Variants in SNX1 observed in about 807,000 individuals in gnomAD.
SNX1 encodes the protein sorting nexin-1.
In SNX1, 36 loss-of-function variants were observed where a neutral mutation model predicts 71.8. The ratio of observed to expected loss-of-function variants is 0.50; its 90% CI spans 0.38 to 0.66. SNX1 has a LOEUF of 0.66. SNX1 is among the 30% of genes least tolerant of loss of function. The pLI is 0.00. For missense variants in SNX1, 612 were observed against 646.7 expected (o/e 0.95, Z 0.58); for synonymous variants, 254 against 240.7 (o/e 1.06, Z -0.51).
intron 4 of SNX1, among the ~76,000 whole-genome samples, chr15:64,121,627 G>A (rs942302224): frequency 3.3e-5 from 5 of 152,156 alleles, no homozygotes; most frequent in African/African-American, 4.8e-5. Flanking sequence ...GAGTTAGAAC[G>A]TAAAATGTAC....
chr15:64,125,946 G>A, intron 5 of SNX1, 133 bp from the exon 6 acceptor site: 1 of 924,850 alleles, frequency 1.1e-6, no homozygotes, highest in Admixed American at 2.2e-5. Flanking sequence ...CTCTGCCTTG[G>A]AGAAAGTTAT....
intron 4 of SNX1, among the ~76,000 whole-genome samples, chr15:64,119,697 C>T (rs1383763859): frequency 2.0e-5 from 3 of 149,086 alleles, no homozygotes; most frequent in Admixed American, 1.4e-4. Flanking sequence ...GCCCTCCATC[C>T]TGGGTGACAG....
rs992222192 is a variant in SNX1 at position 64,100,966 on chromosome 15, T to C, written c.159+4794T>C. ...GCCACCATGCCCAGCTAATTTTTCA[T>C]TTATTTATTTTTTTGTAGAGATGGG... On this transcript the variant is annotated intron_variant, in intron 1 of 14. Transcript: ENST00000559844. Among the ~76,000 whole-genome samples the C allele has an allele frequency of 5.3e-5, 8 of 152,140 alleles. No individual in the cohort carries two copies. In the East Asian group the frequency reaches 1.2e-3, roughly 22 times the overall value.
intron 1 of SNX1, among the ~76,000 whole-genome samples, chr15:64,099,545 G>T (rs2080936918): frequency 1.3e-5 from 2 of 152,186 alleles, no homozygotes; most frequent in African/African-American, 4.8e-5. Context: ...CCGCATACTT[G>T]TGAAGCTGAG....
At chr15:64,100,245 A>T (rs2080944867) in intron 1 of SNX1, among the ~76,000 whole-genome samples, 1 of 152,164 alleles carries the variant, frequency 6.6e-6, no homozygotes. Flanking sequence ...AATGTGGTTT[A>T]ATTTATACTT....
intron 11 of SNX1, among the ~76,000 whole-genome samples, chr15:64,132,639 G>T (rs551322007): frequency 5.3e-5 from 8 of 152,268 alleles, no homozygotes; most frequent in Non-Finnish European, 1.2e-4. Context: ...ACACTCTAAG[G>T]GCCTAAGTCT....
intron 1 of SNX1, among the ~76,000 whole-genome samples, chr15:64,097,320 G>C (rs570481672): frequency 3.1e-3 from 467 of 152,330 alleles, no homozygotes; most frequent in Non-Finnish European, 5.6e-3. Flanking sequence ...TTTTGGTTTA[G>C]CTTTAGGAAG....
chr15:64,136,060 G>A (rs1458759741), intron 12 of SNX1, among the ~76,000 whole-genome samples: 1 of 152,182 alleles, frequency 6.6e-6, no homozygotes, highest in Non-Finnish European at 1.5e-5. Context: ...TAAACTGGAG[G>A]CTGCTGGCAT....
chr15:64,126,460 G>C (rs1301948300), intron 6 of SNX1, among the ~76,000 whole-genome samples: 1 of 152,150 alleles, frequency 6.6e-6, no homozygotes, highest in African/African-American at 2.4e-5. Flanking sequence ...TTTTCTGTTG[G>C]TCTTCAGGAG....
intron 1 of SNX1, among the ~76,000 whole-genome samples, chr15:64,096,393 C>T (rs916777839): frequency 7.2e-5 from 11 of 152,178 alleles, no homozygotes; most frequent in African/African-American, 2.7e-4. Context: ...GTGCCTTCGT[C>T]GGCTAGCTCC....
intron 1 of SNX1, 60 bp downstream of exon 1, chr15:64,096,232 A>G (rs1226041869): frequency 3.3e-6 from 5 of 1,520,108 alleles, no homozygotes; most frequent in Non-Finnish European, 4.4e-6. Flanking sequence ...AAGAGAGGCT[A>G]AGCGAGAATC....
chr15:64,144,068 A>G lies in SNX1; in HGVS notation c.*6450A>G, dbSNP rs1303625541. On this transcript the variant is annotated 3_prime_UTR_variant, in exon 15 of 15. Transcript: ENST00000559844. This position sits in a 1 kb window ranked among gnomAD's most constrained non-coding sequence, Gnocchi z 4.3. ...TATTCACATTTATATAAAACTTTATATATGGGAAGGATGTTGATTGAATTG... is the reference window on the plus strand; with the variant it reads ...TATTCACATTTATATAAAACTTTATGTATGGGAAGGATGTTGATTGAATTG... 1 of 152,232 alleles carries G rather than the reference A, an allele frequency of 6.6e-6. No individual in the cohort carries two copies. The highest frequency in any genetic ancestry group is 6.5e-5 in the Admixed American group (1 of 15,276). The allele number at this position is 152,232 out of a possible 1,614,324, so 9.4% of individuals were successfully genotyped here. A position where few individuals can be genotyped will look rare whatever the true frequency, so the allele number is the denominator to read the frequency against.
Position 64,137,644 on chromosome 15 carries a change from T to C in SNX1, c.*26T>C. On this transcript the variant is annotated 3_prime_UTR_variant, in exon 15 of 15. Coordinates refer to ENST00000559844, the MANE Select transcript of SNX1 (RefSeq NM_003099.5). ...TGGACCAAGGACCCCAGAGCCCACC[T>C]GTGTGACGCTGCCTTTTTATACACT... is the stretch of plus-strand genomic sequence containing the variant. 6.2e-7 allele frequency: 1 copy of C among 1,614,116 alleles called. No homozygotes were observed. The highest frequency in any genetic ancestry group is 8.5e-7 in the Non-Finnish European group (1 of 1,179,980).
chr15:64,116,378 T>G (rs956916468), intron 2 of SNX1, among the ~76,000 whole-genome samples: 1 of 152,190 alleles, frequency 6.6e-6, no homozygotes, highest in Non-Finnish European at 1.5e-5. Context: ...CCTGTGTTGT[T>G]CAAGGGTCAA....
At chr15:64,112,465 A>C (rs2081086310) in intron 1 of SNX1, 108 bp from the exon 2 acceptor site, 1 of 636,240 alleles carries the variant, frequency 1.6e-6, no homozygotes, top group East Asian at 2.7e-5. Context: ...CTGCTTATTG[A>C]ACTGGCTGAC....
intron 1 of SNX1, among the ~76,000 whole-genome samples, chr15:64,102,301 C>T (rs538081878): frequency 3.9e-5 from 6 of 152,058 alleles, no homozygotes; most frequent in Non-Finnish European, 8.8e-5. Context: ...TTTTAGGATA[C>T]ACATGGTATT....
At chr15:64,120,840 C>G (rs554896959) in intron 4 of SNX1, among the ~76,000 whole-genome samples, 1 of 152,012 alleles carries the variant, frequency 6.6e-6, no homozygotes, top group African/African-American at 2.4e-5. Context: ...GATCCTGTCT[C>G]AAAAAGAAAA....
chr15:64,103,630 A>G (rs2080987776), intron 1 of SNX1, among the ~76,000 whole-genome samples: 1 of 152,220 alleles, frequency 6.6e-6, no homozygotes, highest in South Asian at 2.1e-4. Context: ...CTTTATGGAA[A>G]GATTGTTAAC....
chr15:64,095,997 G>A lies in SNX1; in HGVS notation c.-17G>A. The A allele has an allele frequency of 6.3e-7, 1 of 1,592,870 alleles. No homozygotes were observed. On this transcript the variant is annotated 5_prime_UTR_variant, in exon 1 of 15. Transcript: ENST00000559844. ...CGATAAAGTTGTTGTTGCGGCTTCC[G>A]CCGCGGGTGGAAGAAGATGGCGTCG...
Sources: gnomAD v4.1 joint callset for allele counts (sites outside exome capture counted in the v4.1 genomes callset) on GRCh38, gnomAD v4.1.1 for gene constraint, Gnocchi (gnomAD v3.1) non-coding constraint, MANE v1.5 for transcripts, NCBI Gene and HGNC (gene_info 2026-07-23, HGNC 2026-07-21) for gene names.